The following RASSF9 variants were observed in gnomAD, a reference collection of about 807,000 sequenced individuals.
RASSF9 encodes ras association domain-containing protein 9.
RASSF9 carries 18 observed loss-of-function variants against 21.4 expected under a neutral mutation model. The observed-to-expected ratio is 0.84, with a 90% CI of 0.58 to 1.25. The LOEUF (loss-of-function observed/expected upper bound fraction) is 1.25. Ranked by LOEUF, RASSF9 falls within the 50% of genes most tolerant of loss-of-function variation. RASSF9 has a pLI of 0.00. For synonymous variants in RASSF9, 183 were observed against 179.1 expected, an observed-to-expected ratio of 1.02 and a Z score of -0.18; for missense variants, 480 against 503.2, an observed-to-expected ratio of 0.95 and a Z score of 0.44.
intron 1 of RASSF9, among the ~76,000 whole-genome samples, chr12:85,834,432 C>A (rs1565758896): frequency 2.0e-5 from 3 of 152,164 alleles, no homozygotes; most frequent in South Asian, 2.1e-4. Flanking sequence ...ATACTCACCT[C>A]CTCGAAAGAA....
intron 1 of RASSF9, among the ~76,000 whole-genome samples, chr12:85,817,401 T>C (rs1880097964): frequency 6.6e-6 from 1 of 152,144 alleles, no homozygotes; most frequent in Non-Finnish European, 1.5e-5. Context: ...AATTTAGCTT[T>C]ATTATGACTA....
rs77375405 is a variant in RASSF9 at position 85,829,843 on chromosome 12, C to G, written c.47+6312G>C. On this transcript the variant is annotated intron_variant, in intron 1 of 1. Coordinates refer to ENST00000361228, the MANE Select transcript of RASSF9 (RefSeq NM_005447.4). ...TACTCTAATTTTCTTAATTGTATTG[C>G]AAAAATTATGATTTTGTCTACCCTG... is the stretch of plus-strand genomic sequence containing the variant. Among the ~76,000 whole-genome samples, 13 of 152,138 alleles carry G rather than the reference C, an allele frequency of 8.5e-5. No individual in the cohort carries two copies. In the East Asian group the frequency reaches 2.3e-3, roughly 27 times the overall value.
chr12:85,821,903 G>A (rs1008711643), intron 1 of RASSF9, among the ~76,000 whole-genome samples: 1 of 152,054 alleles, frequency 6.6e-6, no homozygotes, highest in Non-Finnish European at 1.5e-5. Context: ...TTCAGATTCC[G>A]GAAATTGATT....
rs1481629264 is a variant in RASSF9 at position 85,802,892 on chromosome 12, A to T, written c.*1810T>A. 2.0e-5 allele frequency: 3 copies of T among 152,150 alleles called. No individual in the cohort carries two copies. The highest frequency in any genetic ancestry group is 4.4e-5 in the Non-Finnish European group (3 of 67,978). The allele number at this position is 152,150 out of a possible 1,614,324, so 9.4% of individuals were successfully genotyped here. Reference sequence around the variant, plus strand: ...CTATTCAATTTTATCTTTTTTAAAAAAATGTAACCGATGCCAGAATTATTA... The same window carrying T: ...CTATTCAATTTTATCTTTTTTAAAATAATGTAACCGATGCCAGAATTATTA... On this transcript the variant is annotated 3_prime_UTR_variant, in exon 2 of 2. Transcript: ENST00000361228.
chr12:85,822,334 A>T (rs1373553401), intron 1 of RASSF9, among the ~76,000 whole-genome samples: 1 of 152,198 alleles, frequency 6.6e-6, no homozygotes, highest in Non-Finnish European at 1.5e-5. Flanking sequence ...TCAGTTATCC[A>T]GTTGGATAGC....
chr12:85,827,174 A>G (rs1880352179), intron 1 of RASSF9, among the ~76,000 whole-genome samples: 2 of 152,152 alleles, frequency 1.3e-5, no homozygotes, highest in South Asian at 4.1e-4. Context: ...AAGGCTAGAG[A>G]AGAATCACTA....
intron 1 of RASSF9, among the ~76,000 whole-genome samples, chr12:85,824,214 C>T (rs1440933190): frequency 1.3e-5 from 2 of 152,100 alleles, no homozygotes. Flanking sequence ...TCAAACTATT[C>T]CATTGCCTGA....
intron 1 of RASSF9, among the ~76,000 whole-genome samples, chr12:85,808,167 A>T (rs569690167): frequency 7.6e-6 from 1 of 131,536 alleles, no homozygotes; most frequent in Admixed American, 7.5e-5. Flanking sequence ...ATTTTAAATT[A>T]ACTAACTCTT....
rs1273474924 is a variant in RASSF9, at chr12:85,804,690, G to A, written c.*12C>T. 6.4e-7 allele frequency: 1 copy of A among 1,559,302 alleles called. No individual in the cohort carries two copies. Among genetic ancestry groups the A allele is most frequent in the Admixed American group, 1.9e-5 (1 of 53,350 alleles). ...TAAAACATGAAAGCAGGTCAGAAAG[G>A]AGCCATTGGAACTATGTTGACAACA... On this transcript the variant is annotated 3_prime_UTR_variant, in exon 2 of 2. Coordinates refer to ENST00000361228, the MANE Select transcript of RASSF9 (RefSeq NM_005447.4).
Position 85,803,552 on chromosome 12 carries a change from T to C in RASSF9, c.*1150A>G, listed in dbSNP as rs1322088459. ...GACAGGAAGGCAAATAAGAAGAAAG[T>C]AAGCAAAGAAGGGAGAGAGAAGAAA... On this transcript the variant is annotated 3_prime_UTR_variant, in exon 2 of 2. Coordinates refer to ENST00000361228, the MANE Select transcript of RASSF9 (RefSeq NM_005447.4). The C allele has an allele frequency of 6.6e-6, 1 of 151,982 alleles. No homozygotes were observed. Among genetic ancestry groups the C allele is most frequent in the Non-Finnish European group, 1.5e-5 (1 of 67,950 alleles). The allele number at this position is 151,982 out of a possible 1,614,324, so 9.4% of individuals were successfully genotyped here.
In RASSF9 at chr12:85,804,661, A is replaced by C; in HGVS notation, c.*41T>G. The C allele has an allele frequency of 2.0e-6, 3 of 1,477,744 alleles. No individual in the cohort carries two copies. The highest frequency in any genetic ancestry group is 2.7e-6 in the Non-Finnish European group (3 of 1,103,366). The allele number at this position is 1,477,744 out of a possible 1,614,324, so 91.5% of individuals were successfully genotyped here. ...TGAGGTTTCCTATTAAATTAAACAA[A>C]CATTAAAACATGAAAGCAGGTCAGA... On this transcript the variant is annotated 3_prime_UTR_variant, in exon 2 of 2. Coordinates refer to ENST00000361228, the MANE Select transcript of RASSF9 (RefSeq NM_005447.4).
chr12:85,828,959 CT>C (rs1304136879), intron 1 of RASSF9, among the ~76,000 whole-genome samples: 1 of 152,116 alleles, frequency 6.6e-6, no homozygotes, highest in Admixed American at 6.6e-5. Flanking sequence ...AACACAAGAT[CT>C]TATGTACAGA....
chr12:85,833,721 C>T (rs1880502444), intron 1 of RASSF9, among the ~76,000 whole-genome samples: 1 of 151,888 alleles, frequency 6.6e-6, no homozygotes, highest in Non-Finnish European at 1.5e-5. Flanking sequence ...CAATTATGCT[C>T]AAGTAGTTTT....
rs1013808735 is a variant in RASSF9 at position 85,816,171 on chromosome 12, G to A, written c.48-10209C>T. On this transcript the variant is annotated intron_variant, in intron 1 of 1. Coordinates refer to ENST00000361228, the MANE Select transcript of RASSF9 (RefSeq NM_005447.4). ...GCCTTTCAGAGGGTAGAGAGTGGGAGGAGGGAGAGGTTCAGGCAAAATAAC... is the reference window on the plus strand; with the variant it reads ...GCCTTTCAGAGGGTAGAGAGTGGGAAGAGGGAGAGGTTCAGGCAAAATAAC... 2.0e-5 allele frequency among the ~76,000 whole-genome samples: 3 copies of A among 152,122 alleles called. No homozygotes were observed. In the East Asian group the frequency reaches 5.8e-4, roughly 29 times the overall value.
At chr12:85,813,892 T>C (rs2136554276) in intron 1 of RASSF9, among the ~76,000 whole-genome samples, 2 of 152,152 alleles carry the variant, frequency 1.3e-5, no homozygotes, top group Non-Finnish European at 2.9e-5. Flanking sequence ...TATTTTTCCA[T>C]AGAACATATG....
At chr12:85,824,970 T>C (rs1880298448) in intron 1 of RASSF9, among the ~76,000 whole-genome samples, 2 of 152,084 alleles carry the variant, frequency 1.3e-5, no homozygotes, top group Admixed American at 6.6e-5. Flanking sequence ...ATAACCCCAC[T>C]CCCACAAACC....
At chr12:85,810,534 CCA>C (rs1879931496) in intron 1 of RASSF9, among the ~76,000 whole-genome samples, 1 of 151,712 alleles carries the variant, frequency 6.6e-6, no homozygotes, top group Non-Finnish European at 1.5e-5. Context: ...CAAAATTAAA[CCA>C]GTTTAGAAAT....
intron 1 of RASSF9, 108 bp from the exon 2 acceptor site, chr12:85,806,070 G>C (rs1024367271): frequency 8.0e-7 from 1 of 1,245,522 alleles, no homozygotes. Flanking sequence ...AATGAGAGAG[G>C]CATTTTTTTT....
At chr12:85,817,806 C>T (rs887886623) in intron 1 of RASSF9, among the ~76,000 whole-genome samples, 6 of 151,996 alleles carry the variant, frequency 3.9e-5, no homozygotes, top group African/African-American at 4.8e-5. Context: ...TTTTAAAATT[C>T]AAGACCACAC....
Sources: allele counts gnomAD v4.1 joint callset (sites outside exome capture counted in the v4.1 genomes callset), GRCh38; gene constraint gnomAD v4.1.1; transcripts MANE v1.5; gene names NCBI Gene and HGNC (gene_info 2026-07-23, HGNC 2026-07-21).